The following DAAM1 variants were observed in gnomAD, a reference collection of about 807,000 sequenced individuals.
The protein encoded by DAAM1 is disheveled-associated activator of morphogenesis 1.
A neutral mutation model predicts 130.0 loss-of-function variants in DAAM1; 52 were observed. The ratio of observed to expected loss-of-function variants is 0.40; its 90% CI spans 0.32 to 0.50. DAAM1 has a LOEUF of 0.50. Ranked by LOEUF, DAAM1 falls within the 20% of genes least tolerant of loss-of-function variation. DAAM1 has a pLI of 0.61. For synonymous variants in DAAM1, 452 were observed against 444.5 expected, an observed-to-expected ratio of 1.02 and a Z score of -0.21; for missense variants, 1,134 against 1,303.8, an observed-to-expected ratio of 0.87 and a Z score of 2.01.
rs1481026082 is a variant in DAAM1, at chr14:59,360,802, C to T, written c.2634C>T (p.Asn878=). Residue 878 remains asparagine (N), a splice_region_variant and synonymous_variant, in exon 22 of 25, where the codon AAC becomes AAT. Transcript: ENST00000360909. ...LRDIPQAAKV[N]MTELDKEIST... is the part of the protein sequence containing the mutation. ...GCTAAAACATTGCTATTTACAACAG[C>T]ATGACTGAGCTGGACAAAGAAATAA... is the stretch of plus-strand genomic sequence containing the variant. 2 of 1,613,380 alleles carry T rather than the reference C, an allele frequency of 1.2e-6. No homozygotes were observed. The highest frequency in any genetic ancestry group is 1.1e-5 in the South Asian group (1 of 90,890).
At position 59,251,435 on chromosome 14, in the gene DAAM1, GT is replaced by G. The variant is rs35807716; in HGVS notation, c.-37-11991del. The stretch of plus-strand genomic sequence containing the variant: ...CCTCAGTCATCTTTCACTCCGCCGT[GT>G]TTTTTTTTTTTTTTCCTTTAAGTTT... On this transcript the variant is annotated intron_variant, in intron 1 of 24. Transcript: ENST00000360909. Among the ~76,000 whole-genome samples the G allele has an allele frequency of 6.9e-3, 957 of 137,852 alleles. 9 individuals carry two copies. Among genetic ancestry groups the G allele is most frequent in the South Asian group, 0.016 (66 of 4,248 alleles). 90.4% of individuals were successfully genotyped at this position (137,852 alleles called of 152,430 possible).
intron 4 of DAAM1, among the ~76,000 whole-genome samples, chr14:59,317,720 C>T (rs140861081): frequency 1.2e-4 from 18 of 152,316 alleles, no homozygotes; most frequent in Non-Finnish European, 2.4e-4. Flanking sequence ...GAGTCTGAGA[C>T]TCCAGAAAGG....
At chr14:59,195,387 C>T (rs529411461) in intron 1 of DAAM1, among the ~76,000 whole-genome samples, 111 of 152,256 alleles carry the variant, frequency 7.3e-4, no homozygotes, top group Middle Eastern at 6.8e-3. Flanking sequence ...TCGTGATCCG[C>T]CTGCCTCGGC....
intron 1 of DAAM1, among the ~76,000 whole-genome samples, chr14:59,223,919 G>A (rs1036821504): frequency 6.6e-6 from 1 of 152,194 alleles, no homozygotes; most frequent in African/African-American, 2.4e-5. Context: ...GTCTGGAGTA[G>A]TTGCTGCTTC....
At position 59,368,900 on chromosome 14, in the gene DAAM1, C is replaced by T; in HGVS notation, c.*41C>T. 1 of 1,582,092 alleles carries T rather than the reference C, an allele frequency of 6.3e-7. No homozygotes were observed. The highest frequency in any genetic ancestry group is 1.1e-5 in the South Asian group (1 of 87,738). On this transcript the variant is annotated 3_prime_UTR_variant, in exon 25 of 25. Transcript: ENST00000360909. ...TTTTTTTAGAAAGCTCATTAGCAGC[C>T]CTCTAAAGTGACTAGAACGTTTCAT...
At chr14:59,299,983 C>G (rs1281259354) in intron 3 of DAAM1, 2 of 152,142 alleles carry the variant, frequency 1.3e-5, no homozygotes, top group South Asian at 2.1e-4. Context: ...AAGCAGTTGT[C>G]AACACCAACT....
intron 1 of DAAM1, among the ~76,000 whole-genome samples, chr14:59,224,755 A>G (rs544685663): frequency 1.3e-5 from 2 of 152,352 alleles, no homozygotes; most frequent in East Asian, 3.9e-4. Flanking sequence ...TGTTTTCCCA[A>G]ATCTGTATGT....
At chr14:59,243,627 T>A (rs1313962615) in intron 1 of DAAM1, among the ~76,000 whole-genome samples, 18 of 152,152 alleles carry the variant, frequency 1.2e-4, no homozygotes, top group Non-Finnish European at 4.4e-5. Context: ...CCCTTGAACT[T>A]GGTTTGGATT....
intron 15 of DAAM1, chr14:59,338,447 A>G (rs371847533): frequency 4.5e-5 from 73 of 1,610,916 alleles, no homozygotes; most frequent in Non-Finnish European, 1.0e-5. Flanking sequence ...CTTGCTTAAT[A>G]TAACTCCTTG....
chr14:59,359,618 G>C (rs1886626108), intron 21 of DAAM1, 114 bp downstream of exon 21: 2 of 708,920 alleles, frequency 2.8e-6, no homozygotes, highest in East Asian at 5.5e-5. Context: ...CCTGATCATT[G>C]TATGAAATAA....
intron 16 of DAAM1, among the ~76,000 whole-genome samples, chr14:59,345,069 A>G (rs1042340561): frequency 6.6e-6 from 1 of 151,914 alleles, no homozygotes; most frequent in African/African-American, 2.4e-5. Context: ...TTGGCCTTGC[A>G]TGGCCACACA....
At chr14:59,309,876 G>T (rs7143953) in intron 3 of DAAM1, among the ~76,000 whole-genome samples, 47,574 of 151,988 alleles carry the variant, frequency 0.31, 8,810 homozygotes, top group East Asian at 0.56. Flanking sequence ...CTCTTTCTCT[G>T]TTGCTTGGAC....
At chr14:59,311,622 T>C (rs2757113) in intron 3 of DAAM1, among the ~76,000 whole-genome samples, 20,996 of 152,012 alleles carry the variant, frequency 0.14, 1,627 homozygotes, top group Middle Eastern at 0.2. Context: ...GTTTTATTTA[T>C]ATTTCTGGAA....
At chr14:59,322,812 C>T (rs2139618971) in intron 5 of DAAM1, 80 bp from the exon 6 acceptor site, 3 of 1,168,122 alleles carry the variant, frequency 2.6e-6, no homozygotes, top group Admixed American at 4.6e-5. Context: ...CTTTCTTTCC[C>T]CTGCCCTCTA....
intron 23 of DAAM1, among the ~76,000 whole-genome samples, chr14:59,366,876 G>T (rs149357404): frequency 3.1e-4 from 47 of 150,504 alleles, no homozygotes; most frequent in Non-Finnish European, 5.9e-4. Context: ...CCTCTGAATA[G>T]CCACTAAACT....
rs1170736451 is a variant in DAAM1 at position 59,322,996 on chromosome 14, T to C, written c.545T>C (p.Ile182Thr). The part of the protein sequence containing the change: ...TSESRIHTSL[I>T]GCIKALMNNS... ...GAGTCTCGAATACATACTTCTCTCATTGGCTGTATAAAGGCGTTAATGAAC... is the reference window on the plus strand; with the variant it reads ...GAGTCTCGAATACATACTTCTCTCACTGGCTGTATAAAGGCGTTAATGAAC... The change falls in exon 6 of 25, where the codon ATT (isoleucine) becomes ACT (threonine). Residue 182 changes from isoleucine (I) to threonine (T), a missense_variant. Physicochemically the swap from Ile to Thr is moderately conservative, Grantham distance 89 (BLOSUM62 -1). Transcript: ENST00000360909. 1.9e-6 allele frequency: 3 copies of C among 1,614,042 alleles called. No homozygotes were observed. Among genetic ancestry groups the C allele is most frequent in the East Asian group, 2.2e-5 (1 of 44,898 alleles).
At position 59,324,408 on chromosome 14, in the gene DAAM1, C is replaced by T. The variant is rs140088700; in HGVS notation, c.943C>T (p.Pro315Ser). 8.1e-6 allele frequency: 13 copies of T among 1,596,490 alleles called. No homozygotes were observed. The highest frequency in any genetic ancestry group is 1.1e-5 in the Non-Finnish European group (13 of 1,171,276). The change falls in exon 8 of 25, where the codon CCT becomes TCT. Residue 315 changes from proline (P) to serine (S), a missense_variant. Pro to Ser is a moderately conservative substitution (Grantham distance 74). Around this residue, in one of 3 missense-constraint regions of DAAM1, gnomAD observed 391 missense variants for 521.6 expected, o/e 0.75. Transcript: ENST00000360909. ...TGAATTTCTGATGTTAGGAATTCAA[C>T]CTGTAATAGATAAATTAAGGGAACA... ...RYEFLMLGIQ[P>S]VIDKLREHEN...
chr14:59,357,784 GA>G (rs112838066), intron 20 of DAAM1, among the ~76,000 whole-genome samples: 17,910 of 141,504 alleles, frequency 0.13, 1,305 homozygotes, highest in African/African-American at 0.22. Context: ...TCTCAAAAGA[GA>G]AAAAAAAAAA....
At chr14:59,291,636 G>A (rs940245091) in intron 3 of DAAM1, 1 of 211,854 alleles carries the variant, frequency 4.7e-6, no homozygotes, top group Non-Finnish European at 9.1e-6. Flanking sequence ...AACCAGGTTT[G>A]GGGTCACAGC....
Sources: gnomAD v4.1 joint callset for allele counts (sites outside exome capture counted in the v4.1 genomes callset) on GRCh38, gnomAD v4.1.1 for gene constraint, gnomAD v4.1.1 regional missense constraint, MANE v1.5 for transcripts, NCBI Gene and HGNC (gene_info 2026-07-23, HGNC 2026-07-21) for gene names.